CDH4: variants seen among roughly 807,000 people sequenced by gnomAD.
CDH4 encodes cadherin-4.
A neutral mutation model predicts 86.0 loss-of-function variants in CDH4; 33 were observed. The observed-to-expected ratio is 0.38, with a 90% confidence interval of 0.29 to 0.51. The LOEUF is 0.51. Among genes scored for constraint, CDH4 ranks in the 20% least tolerant of loss-of-function variants. The pLI is 0.86. For missense variants in CDH4, 1,114 were observed against 1,307.4 expected (o/e 0.85, Z 2.28); for synonymous variants, 555 against 549.4 (o/e 1.01, Z -0.14).
At chr20:61,675,771 G>T (rs1452319866) in intron 2 of CDH4, among the ~76,000 whole-genome samples, 1 of 132,064 alleles carries the variant, frequency 7.6e-6, no homozygotes, top group East Asian at 2.3e-4. Context: ...AACAACCATC[G>T]CAGGGGCTGA....
chr20:61,845,984 C>T lies in CDH4; in HGVS notation c.732+1161C>T, dbSNP rs150984293. Among the ~76,000 whole-genome samples the T allele has an allele frequency of 8.6e-3, 1,305 of 152,370 alleles. 7 individuals carry two copies. Among genetic ancestry groups the T allele is most frequent in the South Asian group, 0.018 (86 of 4,832 alleles). On this transcript the variant is annotated intron_variant, in intron 5 of 15. Coordinates refer to ENST00000614565, the MANE Select transcript of CDH4 (RefSeq NM_001794.5). ...CGGCTTTTCCACGCCAGATCTCAGG[C>T]CCAAGTACAGAGCCTGGCCTTCAGG...
chr20:61,722,074 A>G (rs762889798), intron 2 of CDH4, among the ~76,000 whole-genome samples: 1 of 152,194 alleles, frequency 6.6e-6, no homozygotes, highest in Non-Finnish European at 1.5e-5. Context: ...TTGCACAGAG[A>G]TTTAGGAAGC....
intron 6 of CDH4, among the ~76,000 whole-genome samples, chr20:61,857,835 C>T (rs905878364): frequency 1.3e-5 from 2 of 152,232 alleles, no homozygotes; most frequent in Non-Finnish European, 2.9e-5. Flanking sequence ...GTACCGGCCA[C>T]AGCCCCTACT....
At position 61,865,294 on chromosome 20, in the gene CDH4, T is replaced by C. The variant is rs141076665; in HGVS notation, c.878-8434T>C. On this transcript the variant is annotated intron_variant, in intron 6 of 15. Coordinates refer to ENST00000614565, the MANE Select transcript of CDH4 (RefSeq NM_001794.5). ...TGGTTAGTGTAGATGATGGACTGAC[T>C]TCTTGGAATGGTTTATGCAGGTGAT... 2.2e-3 allele frequency among the ~76,000 whole-genome samples: 336 copies of C among 152,256 alleles called. 1 individual carries two copies. Among genetic ancestry groups the C allele is most frequent in the African/African-American group, 7.7e-3 (322 of 41,550 alleles).
intron 2 of CDH4, among the ~76,000 whole-genome samples, chr20:61,587,378 A>C (rs2086486082): frequency 6.6e-6 from 1 of 152,092 alleles, no homozygotes; most frequent in African/African-American, 2.4e-5. Context: ...ACGCCTGCCC[A>C]CACTAAGTGA....
rs979411395 is a variant in CDH4 at position 61,501,463 on chromosome 20, A to G, written c.170-242100A>G. Reference sequence around the variant, plus strand: ...GGCCACGGAGAGTCCAGGTGGGAAGAATTTATTAGGTGAGCGATGTAGCTG... The same window carrying G: ...GGCCACGGAGAGTCCAGGTGGGAAGGATTTATTAGGTGAGCGATGTAGCTG... On this transcript the variant is annotated intron_variant, in intron 2 of 15. Coordinates refer to ENST00000614565, the MANE Select transcript of CDH4 (RefSeq NM_001794.5). The surrounding 1 kb of genome is among the most constrained non-coding windows in gnomAD (Gnocchi z 4.2). 6.6e-5 allele frequency among the ~76,000 whole-genome samples: 10 copies of G among 152,040 alleles called. No individual in the cohort carries two copies. Among genetic ancestry groups the G allele is most frequent in the African/African-American group, 2.4e-4 (10 of 41,408 alleles).
At chr20:61,420,510 A>G (rs1379015087) in intron 2 of CDH4, among the ~76,000 whole-genome samples, 2 of 152,244 alleles carry the variant, frequency 1.3e-5, no homozygotes, top group African/African-American at 4.8e-5. Context: ...ACTGAAAACA[A>G]AATAAGCAGG....
At chr20:61,264,101 G>C (rs1020619382) in intron 2 of CDH4, among the ~76,000 whole-genome samples, 2 of 152,178 alleles carry the variant, frequency 1.3e-5, no homozygotes, top group African/African-American at 4.8e-5. Context: ...CCGGAATTAG[G>C]ATGGGGACAT....
chr20:61,351,050 A>T (rs6028146), intron 2 of CDH4, among the ~76,000 whole-genome samples: 2 of 151,930 alleles, frequency 1.3e-5, no homozygotes, highest in African/African-American at 4.8e-5. Context: ...GGTGGGGGCA[A>T]TGCCTTGGGT....
intron 13 of CDH4, among the ~76,000 whole-genome samples, chr20:61,931,137 C>T (rs1022452618): frequency 1.3e-5 from 2 of 152,250 alleles, no homozygotes; most frequent in Non-Finnish European, 2.9e-5. Flanking sequence ...TCCTCTCAAC[C>T]CTCGCTCATC....
chr20:61,886,928 T>C (rs1984569136), intron 7 of CDH4, among the ~76,000 whole-genome samples: 1 of 152,108 alleles, frequency 6.6e-6, no homozygotes, highest in Non-Finnish European at 1.5e-5. Context: ...CTCACAGGAA[T>C]GAAATGCACT....
At chr20:61,540,185 G>A (rs538732433) in intron 2 of CDH4, among the ~76,000 whole-genome samples, 21 of 152,300 alleles carry the variant, frequency 1.4e-4, no homozygotes, top group African/African-American at 5.1e-4. Flanking sequence ...ATGGGCGGAC[G>A]AATGCACGGC....
intron 2 of CDH4, among the ~76,000 whole-genome samples, chr20:61,657,933 C>T (rs527630946): frequency 1.3e-4 from 20 of 152,200 alleles, no homozygotes; most frequent in African/African-American, 2.2e-4. Flanking sequence ...GGCTCGTCAC[C>T]GGTGGGAGCC....
chr20:61,457,933 C>T (rs910752233), intron 2 of CDH4, among the ~76,000 whole-genome samples: 3 of 141,466 alleles, frequency 2.1e-5, no homozygotes, highest in African/African-American at 8.1e-5. Context: ...GCAGTGCTGA[C>T]ACTGTGGTGG....
intron 2 of CDH4, among the ~76,000 whole-genome samples, chr20:61,658,172 A>G (rs2087212385): frequency 6.6e-6 from 1 of 151,876 alleles, no homozygotes; most frequent in Non-Finnish European, 1.5e-5. Flanking sequence ...TCTCTCTATT[A>G]GAGAGGGTTC....
At chr20:61,420,103 G>A (rs1365344624) in intron 2 of CDH4, among the ~76,000 whole-genome samples, 1 of 152,322 alleles carries the variant, frequency 6.6e-6, no homozygotes, top group East Asian at 1.9e-4. Context: ...GGGGCACTAG[G>A]CACTCACCTG....
chr20:61,494,438 T>C (rs988663280), intron 2 of CDH4, among the ~76,000 whole-genome samples: 2 of 152,242 alleles, frequency 1.3e-5, no homozygotes, highest in African/African-American at 4.8e-5. Context: ...CTTTCAGTAC[T>C]TAACAAACAA....
intron 2 of CDH4, among the ~76,000 whole-genome samples, chr20:61,412,488 C>G (rs1386902797): frequency 6.6e-6 from 1 of 152,224 alleles, no homozygotes; most frequent in Non-Finnish European, 1.5e-5. Context: ...CTCAGCATAG[C>G]ATTCAAGGTC....
intron 2 of CDH4, among the ~76,000 whole-genome samples, chr20:61,474,273 G>A (rs1222971148): frequency 1.4e-5 from 2 of 141,360 alleles, no homozygotes; most frequent in Admixed American, 1.5e-4. Flanking sequence ...CAATTTCCCT[G>A]CCTCAGCCTC....
Sources: gnomAD v4.1 joint callset for allele counts (sites outside exome capture counted in the v4.1 genomes callset) on GRCh38, gnomAD v4.1.1 for gene constraint, Gnocchi (gnomAD v3.1) non-coding constraint, MANE v1.5 for transcripts, NCBI Gene and HGNC (gene_info 2026-07-23, HGNC 2026-07-21) for gene names.